OGG1: variants seen among roughly 807,000 people sequenced by gnomAD.
The protein encoded by OGG1 is N-glycosylase/DNA lyase.
In OGG1, 35 loss-of-function variants were observed where a neutral mutation model predicts 42.3. That is an observed-to-expected ratio of 0.83 (90% confidence interval 0.63 to 1.10). The LOEUF (loss-of-function observed/expected upper bound fraction) is 1.10, where lower values mean the gene tolerates loss of function less well. Ranked by LOEUF, OGG1 falls within the 50% of genes least tolerant of loss-of-function variation. OGG1 has a pLI of 0.00. For missense variants in OGG1, 484 were observed against 446.7 expected (o/e 1.08, Z -0.75); for synonymous variants, 189 against 179.0 (o/e 1.06, Z -0.44).
At position 9,749,992 on chromosome 3, in the gene OGG1, C is replaced by T. The variant is rs185020638; in HGVS notation, c.-295C>T. On this transcript the variant is annotated 5_prime_UTR_variant, in exon 1 of 7. Transcript: ENST00000344629. Reference sequence around the variant, plus strand: ...TGCCCCTGGAGAACCCAGAAGAACACAGCTGTGCGCGCCCACAGGCTCTGG... The same window carrying T: ...TGCCCCTGGAGAACCCAGAAGAACATAGCTGTGCGCGCCCACAGGCTCTGG... The T allele has an allele frequency of 4.2e-6, 2 of 475,644 alleles. No individual in the cohort carries two copies. The highest frequency in any genetic ancestry group is 7.0e-5 in the Admixed American group (2 of 28,608). 29.5% of individuals were successfully genotyped at this position (475,644 alleles called of 1,614,324 possible). A position where few individuals can be genotyped will look rare whatever the true frequency, so the allele number is the denominator to read the frequency against.
At chr3:9,759,521 C>A (rs758465129), downstream of OGG1, 3 of 1,614,168 alleles carry the variant, frequency 1.9e-6, no homozygotes, top group Non-Finnish European at 2.5e-6. Flanking sequence ...TCTTCTTGAT[C>A]TGCTCACTCA....
chr3:9,761,113 C>T (rs2125575738), downstream of OGG1: 4 of 346,146 alleles, frequency 1.2e-5, no homozygotes, highest in East Asian at 2.4e-4. Flanking sequence ...CCCCGTCTCC[C>T]TATTCCTGCT....
chr3:9,766,360 C>G, exon 8 of OGG1: 1 of 651,816 alleles, frequency 1.5e-6, no homozygotes, highest in Non-Finnish European at 2.8e-6. Flanking sequence ...TTGGTTCATC[C>G]CTTTTTCTGC....
intron 2 of OGG1, 94 bp downstream of exon 2, chr3:9,751,286 T>A: frequency 1.6e-6 from 2 of 1,286,586 alleles, no homozygotes; most frequent in Non-Finnish European, 2.2e-6. Flanking sequence ...GGATTATATC[T>A]ACTTCATAGG....
At chr3:9,787,831 G>C (rs2078652209) in exon 4 of OGG1, 3 of 722,472 alleles carry the variant, frequency 4.2e-6, no homozygotes, top group Admixed American at 4.9e-5. Flanking sequence ...GAATCTGAAA[G>C]AGTGCTTTGG....
chr3:9,784,051 G>A (rs2078545195), intron 3 of OGG1: 1 of 1,614,094 alleles, frequency 6.2e-7, no homozygotes, highest in Non-Finnish European at 8.5e-7. Flanking sequence ...GCTTCTTGGT[G>A]CGGTTGTGGG....
At chr3:9,762,098 C>A, downstream of OGG1, 1 of 200,512 alleles carries the variant, frequency 5.0e-6, no homozygotes, top group Non-Finnish European at 1.0e-5. Context: ...TATAATCTCA[C>A]CTAACAGATG....
chr3:9,780,429 G>A (rs779044239), intron 2 of OGG1: 51 of 1,613,180 alleles, frequency 3.2e-5, no homozygotes, highest in Non-Finnish European at 4.2e-5. Flanking sequence ...TTTCTTTCTT[G>A]GTGGGAGTCC....
intron 3 of OGG1, among the ~76,000 whole-genome samples, chr3:9,752,303 G>A (rs1242909485): frequency 6.6e-6 from 1 of 152,088 alleles, no homozygotes; most frequent in East Asian, 1.9e-4. Flanking sequence ...CTGTACTAAA[G>A]TTTCTTCATC....
intron 2 of OGG1, among the ~76,000 whole-genome samples, chr3:9,775,196 G>T (rs902932087): frequency 6.6e-6 from 1 of 151,726 alleles, no homozygotes; most frequent in Non-Finnish European, 1.5e-5. Context: ...TTTAGATTAT[G>T]CCACTGCACT....
Position 9,750,262 on chromosome 3 carries a change from C to T in OGG1, c.-25C>T. 2 of 1,602,284 alleles carry T rather than the reference C, an allele frequency of 1.2e-6. No individual in the cohort carries two copies. Among genetic ancestry groups the T allele is most frequent in the Non-Finnish European group, 1.7e-6 (2 of 1,173,886 alleles). ...GCCTGGTTCTGGGTAGGCGGGGCTA[C>T]TACGGGGCGGTGCCTGCTGTGGAAA... On this transcript the variant is annotated 5_prime_UTR_variant, in exon 1 of 7. Coordinates refer to ENST00000344629, the MANE Select transcript of OGG1 (RefSeq NM_002542.6).
downstream of OGG1, among the ~76,000 whole-genome samples, chr3:9,790,877 C>T (rs150883288): frequency 7.9e-4 from 120 of 152,286 alleles, no homozygotes; most frequent in African/African-American, 2.9e-3. Context: ...TCCAGGTTTC[C>T]CCATTCCAGT....
intron 7 of OGG1, among the ~76,000 whole-genome samples, chr3:9,762,602 T>G (rs920228525): frequency 5.3e-5 from 8 of 152,112 alleles, no homozygotes; most frequent in Non-Finnish European, 1.2e-4. Flanking sequence ...TGACCTCAGG[T>G]GATCCACCCG....
chr3:9,788,459 A>T (rs2078666520), downstream of OGG1, among the ~76,000 whole-genome samples: 1 of 150,932 alleles, frequency 6.6e-6, no homozygotes, highest in Non-Finnish European at 1.5e-5. Flanking sequence ...GTTAGCCAGG[A>T]TGGTCTCAAT....
At chr3:9,759,749 G>A (rs2077757232), downstream of OGG1, 1 of 1,614,064 alleles carries the variant, frequency 6.2e-7, no homozygotes, top group Non-Finnish European at 8.5e-7. Flanking sequence ...TGAAATCTTT[G>A]GCTAAACCCC....
intron 4 of OGG1, among the ~76,000 whole-genome samples, chr3:9,755,627 C>G (rs1213885273): frequency 1.3e-5 from 2 of 151,948 alleles, no homozygotes; most frequent in Non-Finnish European, 2.9e-5. Context: ...CCACACCCAG[C>G]TAATTTTTGT....
chr3:9,755,173 A>G (rs566391587), intron 4 of OGG1, among the ~76,000 whole-genome samples: 1 of 152,326 alleles, frequency 6.6e-6, no homozygotes, highest in Admixed American at 6.5e-5. Flanking sequence ...AAACTAAATA[A>G]TAGTTTCCTT....
rs2078542403 is a variant in OGG1 at position 9,783,966 on chromosome 3, G to A, written c.382+2366G>A. On this transcript the variant is annotated intron_variant, in intron 3 of 3. Transcript: ENST00000426518. ...GCCTGTTGTAAAACCCCTGAAAGGTGACTAGCCGTGGCCACAGCCTCCAAG... is the reference window on the plus strand; with the variant it reads ...GCCTGTTGTAAAACCCCTGAAAGGTAACTAGCCGTGGCCACAGCCTCCAAG... The A allele has an allele frequency of 8.4e-6, 13 of 1,540,564 alleles. No individual in the cohort carries two copies. In the East Asian group the frequency reaches 2.8e-4, roughly 34 times the overall value.
chr3:9,750,996 A>C lies in OGG1; in HGVS notation c.189A>C (p.Val63=), dbSNP rs770341466. The change falls in exon 2 of 7, where the codon GTA becomes GTC. Residue 63 remains valine, a synonymous_variant. Coordinates refer to ENST00000344629, the MANE Select transcript of OGG1 (RefSeq NM_002542.6). ...GGAGTGGTGTACTAGCGGATCAAGT[A>C]TGGACACTGACTCAGACTGAGGAGC... ...AHWSGVLADQ[V]WTLTQTEEQL... The C allele has an allele frequency of 6.8e-6, 11 of 1,614,090 alleles. No individual in the cohort carries two copies. In the Admixed American group the frequency reaches 1.8e-4, roughly 27 times the overall value.
Sources: gnomAD v4.1 joint callset for allele counts (sites outside exome capture counted in the v4.1 genomes callset) on GRCh38, gnomAD v4.1.1 for gene constraint, MANE v1.5 for transcripts, NCBI Gene and HGNC (gene_info 2026-07-23, HGNC 2026-07-21) for gene names.